The following UBE2QL1 variants were observed in gnomAD, a reference collection of about 807,000 sequenced individuals.
The protein encoded by UBE2QL1 is ubiquitin conjugating enzyme E2 QL1, also known as ubiquitin-conjugating enzyme E2Q-like protein 1.
UBE2QL1 carries 5 observed loss-of-function variants against 12.6 expected under a neutral mutation model. That is an observed-to-expected ratio of 0.40 (90% CI 0.21 to 0.83). The LOEUF is 0.83. UBE2QL1 is among the 40% of genes least tolerant of loss of function. The pLI is 0.37. For missense variants in UBE2QL1, 99 were observed against 222.6 expected (o/e 0.44, Z 3.53); for synonymous variants, 96 against 94.5 (o/e 1.02, Z -0.10).
Position 6,483,022 on chromosome 5 carries a change from C to T in UBE2QL1, c.355-8196C>T, listed in dbSNP as rs112806844. ...CCACGCCAGCAAGGCCTCCCTGCTG[C>T]GAGTCCAACACACTCTGATCAGACC... is the stretch of plus-strand genomic sequence containing the variant. On this transcript the variant is annotated intron_variant, in intron 1 of 1. Coordinates refer to ENST00000399816, the MANE Select transcript of UBE2QL1 (RefSeq NM_001145161.3). Among the ~76,000 whole-genome samples the T allele has an allele frequency of 3.5e-3, 537 of 152,316 alleles. 6 individuals carry two copies. Among genetic ancestry groups the T allele is most frequent in the African/African-American group, 0.012 (488 of 41,578 alleles).
intron 1 of UBE2QL1, among the ~76,000 whole-genome samples, chr5:6,474,067 A>C (rs1310342170): frequency 1.3e-5 from 2 of 152,236 alleles, no homozygotes; most frequent in Admixed American, 1.3e-4. Flanking sequence ...TTTACTTTGA[A>C]AGTCCAGTTT....
Position 6,472,623 on chromosome 5 carries a change from C to T in UBE2QL1, c.355-18595C>T, listed in dbSNP as rs143986632. Among the ~76,000 whole-genome samples the T allele has an allele frequency of 1.1e-4, 17 of 152,190 alleles. 1 individual carries two copies. Among genetic ancestry groups the T allele is most frequent in the Middle Eastern group, 3.4e-3 (1 of 294 alleles). Reference sequence around the variant, plus strand: ...TTCTTTCCCTTCCCTGCATTGTGTCCGGGTTGTCTAGCTTTTTCTTCTCAA... The same window carrying T: ...TTCTTTCCCTTCCCTGCATTGTGTCTGGGTTGTCTAGCTTTTTCTTCTCAA... On this transcript the variant is annotated intron_variant, in intron 1 of 1. Coordinates refer to ENST00000399816, the MANE Select transcript of UBE2QL1 (RefSeq NM_001145161.3).
intron 1 of UBE2QL1, among the ~76,000 whole-genome samples, chr5:6,487,694 G>T (rs1338445559): frequency 6.6e-6 from 1 of 152,266 alleles, no homozygotes; most frequent in Non-Finnish European, 1.5e-5. Flanking sequence ...TTAATTGTAT[G>T]AAGTTCAAAG....
At position 6,493,642 on chromosome 5, in the gene UBE2QL1, A is replaced by C. The variant is rs542548886; in HGVS notation, c.*2293A>C. On this transcript the variant is annotated 3_prime_UTR_variant, in exon 2 of 2. Transcript: ENST00000399816. ...TAGGTTTGTTAGAAACTTATAGAAG[A>C]AATCAATTCTTTAGTGAACGAAATA... 1 of 152,374 alleles carries C rather than the reference A, an allele frequency of 6.6e-6. No individual in the cohort carries two copies. Among genetic ancestry groups the C allele is most frequent in the South Asian group, 2.1e-4 (1 of 4,826 alleles). 9.4% of individuals were successfully genotyped at this position (152,374 alleles called of 1,614,324 possible). A position where few individuals can be genotyped will look rare whatever the true frequency, so the allele number is the denominator to read the frequency against.
In UBE2QL1 at chr5:6,491,516, A is replaced by T. The variant is rs1734569688; in HGVS notation, c.*167A>T. 1.2e-6 allele frequency: 1 copy of T among 865,342 alleles called. No individual in the cohort carries two copies. The highest frequency in any genetic ancestry group is 1.6e-6 in the Non-Finnish European group (1 of 614,316). 53.6% of individuals were successfully genotyped at this position (865,342 alleles called of 1,614,324 possible). A position where few individuals can be genotyped will look rare whatever the true frequency, so the allele number is the denominator to read the frequency against. On this transcript the variant is annotated 3_prime_UTR_variant, in exon 2 of 2. Transcript: ENST00000399816. ...TTTATGAAAAGATGTGTGTACAGAG[A>T]GGAAGAGGGAGCAAATGCCGTTCGG...
At position 6,481,795 on chromosome 5, in the gene UBE2QL1, C is replaced by A. The variant is rs1352026753; in HGVS notation, c.355-9423C>A. The stretch of plus-strand genomic sequence containing the variant: ...TGGACAACACCCCAAAACTGACCGC[C>A]ATACCACCTCCCAAATGACCATCCA... On this transcript the variant is annotated intron_variant, in intron 1 of 1. Transcript: ENST00000399816. This position sits in a 1 kb window ranked among gnomAD's most constrained non-coding sequence, Gnocchi z 4.5. 6.6e-6 allele frequency among the ~76,000 whole-genome samples: 1 copy of A among 152,218 alleles called. No individual in the cohort carries two copies. Among genetic ancestry groups the A allele is most frequent in the Admixed American group, 6.5e-5 (1 of 15,286 alleles).
chr5:6,470,151 G>A (rs1739880382), intron 1 of UBE2QL1, among the ~76,000 whole-genome samples: 1 of 152,200 alleles, frequency 6.6e-6, no homozygotes, highest in African/African-American at 2.4e-5. Context: ...ACCTCTAAAT[G>A]AAGGATGGAC....
At chr5:6,487,975 G>C (rs1318723821) in intron 1 of UBE2QL1, among the ~76,000 whole-genome samples, 3 of 152,208 alleles carry the variant, frequency 2.0e-5, no homozygotes, top group African/African-American at 7.2e-5. Context: ...TGCAGGGAGT[G>C]GCTTCCAAGT....
intron 1 of UBE2QL1, among the ~76,000 whole-genome samples, chr5:6,453,987 C>T (rs1739466541): frequency 6.6e-6 from 1 of 152,132 alleles, no homozygotes; most frequent in Admixed American, 6.5e-5. Context: ...CTCAAGCAAT[C>T]CTCCCATCTC....
intron 1 of UBE2QL1, among the ~76,000 whole-genome samples, chr5:6,488,457 CAAA>C (rs200680109): frequency 0.16 from 22,435 of 139,486 alleles, 3,302 homozygotes; most frequent in African/African-American, 0.39. Flanking sequence ...GCATTTTCGC[CAAA>C]AAAAAAAAAA....
At chr5:6,484,776 CCT>C (rs1734432801) in intron 1 of UBE2QL1, among the ~76,000 whole-genome samples, 1 of 151,842 alleles carries the variant, frequency 6.6e-6, no homozygotes, top group Non-Finnish European at 1.5e-5. Context: ...CTCTCCCAGC[CCT>C]CTCTGCTTGT....
intron 1 of UBE2QL1, among the ~76,000 whole-genome samples, chr5:6,477,646 C>T (rs1027848129): frequency 6.6e-6 from 1 of 152,244 alleles, no homozygotes; most frequent in Non-Finnish European, 1.5e-5. Flanking sequence ...ACAGCAGCTG[C>T]TGGCCTGGTG....
chr5:6,488,668 T>C (rs976849033), intron 1 of UBE2QL1, among the ~76,000 whole-genome samples: 2 of 151,846 alleles, frequency 1.3e-5, no homozygotes, highest in Non-Finnish European at 2.9e-5. Context: ...TATGTGGTGA[T>C]GCATGCCTGT....
chr5:6,458,312 C>T (rs137939862), intron 1 of UBE2QL1, among the ~76,000 whole-genome samples: 228 of 152,316 alleles, frequency 1.5e-3, no homozygotes, highest in African/African-American at 5.4e-3. Flanking sequence ...GGATCAGTTA[C>T]ACGTAAAGTT....
chr5:6,472,772 G>A (rs1739942847), intron 1 of UBE2QL1, among the ~76,000 whole-genome samples: 1 of 151,996 alleles, frequency 6.6e-6, no homozygotes, highest in South Asian at 2.1e-4. Flanking sequence ...AGGAAAAAAA[G>A]CCCTCCCTAA....
Position 6,478,704 on chromosome 5 carries a change from T to C in UBE2QL1, c.355-12514T>C, listed in dbSNP as rs909297544. 3.6e-4 allele frequency among the ~76,000 whole-genome samples: 54 copies of C among 151,836 alleles called. No individual in the cohort carries two copies. Among genetic ancestry groups the C allele is most frequent in the African/African-American group, 1.3e-3 (53 of 41,404 alleles). On this transcript the variant is annotated intron_variant, in intron 1 of 1. Transcript: ENST00000399816. This position sits in a 1 kb window ranked among gnomAD's most constrained non-coding sequence, Gnocchi z 4.5. ...ACTGTTCCGCAGCAAGGCTGGGCCA[T>C]AGCAGTTGTGAAATGAAGTGTCCTG... is the stretch of plus-strand genomic sequence containing the variant.
chr5:6,473,601 A>C (rs1734142652), intron 1 of UBE2QL1, among the ~76,000 whole-genome samples: 1 of 152,248 alleles, frequency 6.6e-6, no homozygotes, highest in African/African-American at 2.4e-5. Context: ...TCAGTTCCTC[A>C]AAAATAGCTG....
intron 1 of UBE2QL1, among the ~76,000 whole-genome samples, chr5:6,471,834 A>G (rs1296273248): frequency 1.3e-5 from 2 of 152,206 alleles, no homozygotes; most frequent in African/African-American, 4.8e-5. Flanking sequence ...ATGGATGTAT[A>G]TATAAACTAT....
At chr5:6,457,526 C>T (rs958422259) in intron 1 of UBE2QL1, among the ~76,000 whole-genome samples, 3 of 151,672 alleles carry the variant, frequency 2.0e-5, no homozygotes, top group African/African-American at 7.3e-5. Flanking sequence ...CCTGAGCAGA[C>T]TCCCCATCCT....
Sources: allele counts gnomAD v4.1 joint callset (sites outside exome capture counted in the v4.1 genomes callset), GRCh38; gene constraint gnomAD v4.1.1; non-coding constraint Gnocchi (gnomAD v3.1); transcripts MANE v1.5; gene names NCBI Gene and HGNC (gene_info 2026-07-23, HGNC 2026-07-21).